Variants in RUFY2 observed in about 807,000 individuals in gnomAD.
RUFY2 encodes RUN and FYVE domain-containing protein 2.
RUFY2 carries 49 observed loss-of-function variants against 94.4 expected under a neutral mutation model. That is an observed-to-expected ratio of 0.52 (90% CI 0.41 to 0.66). The LOEUF (loss-of-function observed/expected upper bound fraction) is 0.66. Ranked by LOEUF, RUFY2 falls within the 30% of genes least tolerant of loss-of-function variation. The pLI is 0.00. For synonymous variants in RUFY2, 255 were observed against 235.7 expected, an observed-to-expected ratio of 1.08 and a Z score of -0.75; for missense variants, 541 against 692.8, an observed-to-expected ratio of 0.78 and a Z score of 2.46.
Position 68,345,661 on chromosome 10 carries a change from A to C in RUFY2, c.*107T>G. 2.1e-6 allele frequency: 2 copies of C among 936,594 alleles called. No homozygotes were observed. Among genetic ancestry groups the C allele is most frequent in the South Asian group, 3.4e-5 (2 of 59,548 alleles). The allele number at this position is 936,594 out of a possible 1,614,324, so 58.0% of individuals were successfully genotyped here. On this transcript the variant is annotated 3_prime_UTR_variant, in exon 18 of 18. Transcript: ENST00000602465. ...ATATGTAGAAGATAAACTGGTACCA[A>C]ATACTGACCGAAAGCCGCTTAAGGA...
intron 16 of RUFY2, among the ~76,000 whole-genome samples, chr10:68,354,603 G>A (rs920833380): frequency 2.0e-5 from 3 of 152,186 alleles, no homozygotes; most frequent in African/African-American, 7.2e-5. Flanking sequence ...CTGGTAAAGT[G>A]TTCCAACCAC....
intron 3 of RUFY2, among the ~76,000 whole-genome samples, chr10:68,400,984 G>C (rs12357051): frequency 0.075 from 11,369 of 152,062 alleles, 659 homozygotes; most frequent in African/African-American, 0.16. Context: ...CTGCACTCCA[G>C]CCTGGGCGAC....
intron 11 of RUFY2, among the ~76,000 whole-genome samples, chr10:68,380,339 T>C (rs1244046505): frequency 6.6e-6 from 1 of 151,290 alleles, no homozygotes; most frequent in African/African-American, 2.4e-5. Flanking sequence ...GGAGGATCGC[T>C]TGAGACCAGC....
intron 12 of RUFY2, chr10:68,378,265 T>C: frequency 1.1e-5 from 12 of 1,083,630 alleles, no homozygotes; most frequent in Non-Finnish European, 1.3e-5. Flanking sequence ...AAACAATCTT[T>C]ATATTTTTCA....
intron 8 of RUFY2, 108 bp downstream of exon 8, chr10:68,385,948 AATG>A (rs1292687841): frequency 5.1e-6 from 3 of 592,956 alleles, no homozygotes; most frequent in African/African-American, 3.8e-5. Flanking sequence ...ATTGCATCAC[AATG>A]ATGAGTGTGT....
At chr10:68,376,107 GA>G (rs1037809301) in intron 13 of RUFY2, among the ~76,000 whole-genome samples, 50 of 126,948 alleles carry the variant, frequency 3.9e-4, no homozygotes, top group South Asian at 7.6e-4. Context: ...CATCTCGAAG[GA>G]AAAAAAAAAA....
chr10:68,371,389 T>G (rs2048267124), intron 13 of RUFY2, among the ~76,000 whole-genome samples: 1 of 150,480 alleles, frequency 6.6e-6, no homozygotes, highest in African/African-American at 2.4e-5. Context: ...ACCACTGCAC[T>G]CCAACCTGGG....
chr10:68,397,547 T>C (rs900603109), intron 3 of RUFY2, among the ~76,000 whole-genome samples: 6 of 151,514 alleles, frequency 4.0e-5, no homozygotes, highest in African/African-American at 1.5e-4. Flanking sequence ...CTGGACAACA[T>C]AGGGAGACCC....
At chr10:68,342,007 T>C (rs2045996345), downstream of RUFY2, 3 of 1,614,122 alleles carry the variant, frequency 1.9e-6, no homozygotes, top group Non-Finnish European at 2.5e-6. Flanking sequence ...TGGAGGTTAC[T>C]ATGGGCAAGG....
chr10:68,378,336 A>G, intron 12 of RUFY2: 1 of 1,209,006 alleles, frequency 8.3e-7, no homozygotes, highest in South Asian at 4.1e-5. Flanking sequence ...AAGGGTCAAT[A>G]CTCAAATCAC....
intron 13 of RUFY2, among the ~76,000 whole-genome samples, chr10:68,372,447 G>A (rs2048344760): frequency 6.6e-6 from 1 of 151,894 alleles, no homozygotes; most frequent in South Asian, 2.1e-4. Flanking sequence ...TGGCATGGTG[G>A]CACATGCCTA....
chr10:68,405,414 G>C lies in RUFY2; in HGVS notation c.5-570C>G, dbSNP rs923412666. On this transcript the variant is annotated intron_variant, in intron 1 of 17. Transcript: ENST00000602465. The stretch of plus-strand genomic sequence containing the variant: ...ATTATTCTCAAGATCCTGCAAATCT[G>C]CCATTCTCCTGTATTTAACTTTCCT... 3.2e-6 allele frequency: 3 copies of C among 931,514 alleles called. No homozygotes were observed. The African/African-American group carries it at 5.4e-5, about 17-fold the overall frequency. The allele number at this position is 931,514 out of a possible 1,614,324, so 57.7% of individuals were successfully genotyped here.
chr10:68,377,283 A>T, intron 12 of RUFY2: 1 of 1,161,044 alleles, frequency 8.6e-7, no homozygotes, highest in South Asian at 2.1e-5. Context: ...TAACGAATCA[A>T]ATTTCAAAGC....
rs1360573248 is a variant in RUFY2, at chr10:68,348,973, C to A, written c.1600-2889G>T. On this transcript the variant is annotated intron_variant, in intron 16 of 17. Transcript: ENST00000602465. ...CAGAAAGTTAGCTGCTAGACTTACA[C>A]CCCCTAGATAGGATACTACAGGATT... Among the ~76,000 whole-genome samples, 3 of 145,566 alleles carry A rather than the reference C, an allele frequency of 2.1e-5. No homozygotes were observed. In the South Asian group the frequency reaches 6.5e-4, roughly 31 times the overall value.
intron 10 of RUFY2, among the ~76,000 whole-genome samples, chr10:68,381,860 A>G (rs1303921126): frequency 6.6e-6 from 1 of 152,154 alleles, no homozygotes; most frequent in Non-Finnish European, 1.5e-5. Flanking sequence ...AAAGTAAGTA[A>G]ATATTTTCAA....
chr10:68,364,112 C>T lies in RUFY2; in HGVS notation c.1327G>A (p.Val443Met), dbSNP rs1236807594. The T allele has an allele frequency of 2.5e-6, 4 of 1,610,862 alleles. No homozygotes were observed. In the Admixed American group the frequency reaches 5.0e-5, roughly 20 times the overall value. Residue 443 changes from valine (V) to methionine (M), a missense_variant and splice_region_variant, in exon 14 of 18, where the codon GTG becomes ATG. Physicochemically the swap from Val to Met is conservative, Grantham distance 21. Coordinates refer to ENST00000602465, the MANE Select transcript of RUFY2 (RefSeq NM_001330103.2). ...KQISQKEKQL[V>M]QLETDLKIEK... ...ATCTTCAAGTCAGTTTCCAGTTGCA[C>T]CCTTGAATGACAAATAACACACAGA...
At chr10:68,394,898 G>T (rs1222461490) in intron 4 of RUFY2, among the ~76,000 whole-genome samples, 1 of 151,652 alleles carries the variant, frequency 6.6e-6, no homozygotes, top group African/African-American at 2.4e-5. Flanking sequence ...CAAAGTGCTG[G>T]GATTACAGGC....
chr10:68,406,812 C>A (rs756856262), intron 1 of RUFY2: 1 of 1,612,854 alleles, frequency 6.2e-7, no homozygotes, highest in African/African-American at 1.3e-5. Context: ...GCACCCAGGC[C>A]AAAACCTGAG....
chr10:68,382,775 G>A (rs942254835), intron 10 of RUFY2, among the ~76,000 whole-genome samples: 29 of 151,518 alleles, frequency 1.9e-4, no homozygotes, highest in Admixed American at 1.4e-3. Flanking sequence ...CAGAAAAGGT[G>A]ATAAAAAGAT....
Sources: gnomAD v4.1 joint callset for allele counts (sites outside exome capture counted in the v4.1 genomes callset) on GRCh38, gnomAD v4.1.1 for gene constraint, MANE v1.5 for transcripts, NCBI Gene and HGNC (gene_info 2026-07-23, HGNC 2026-07-21) for gene names.